The following SEH1L variants were observed in gnomAD, a reference collection of about 807,000 sequenced individuals.
The protein encoded by SEH1L is nucleoporin SEH1.
A neutral mutation model predicts 49.5 loss-of-function variants in SEH1L; 18 were observed. That is an observed-to-expected ratio of 0.36 (90% confidence interval 0.25 to 0.54). The LOEUF (loss-of-function observed/expected upper bound fraction) is 0.54. Among genes scored for constraint, SEH1L ranks in the 20% least tolerant of loss-of-function variants. SEH1L has a pLI of 0.87. For missense variants in SEH1L, 404 were observed against 528.8 expected, an observed-to-expected ratio of 0.76 and a Z score of 2.31; for synonymous variants, 169 against 178.1, an observed-to-expected ratio of 0.95 and a Z score of 0.41.
chr18:12,970,284 T>A (rs2031639472), intron 4 of SEH1L, among the ~76,000 whole-genome samples: 2 of 152,220 alleles, frequency 1.3e-5, no homozygotes, highest in African/African-American at 4.8e-5. Context: ...AGGAGAGCCA[T>A]TCTTTCATTG....
At chr18:12,949,777 A>C (rs2030401153) in intron 1 of SEH1L, among the ~76,000 whole-genome samples, 1 of 152,064 alleles carries the variant, frequency 6.6e-6, no homozygotes, top group African/African-American at 2.4e-5. Context: ...TAAAGTGTAG[A>C]ATTCAGTGGC....
At chr18:12,958,441 C>T (rs1441703528) in intron 3 of SEH1L, among the ~76,000 whole-genome samples, 1 of 152,168 alleles carries the variant, frequency 6.6e-6, no homozygotes, top group Non-Finnish European at 1.5e-5. Flanking sequence ...GTTCACAGTG[C>T]TGTGTACCCA....
chr18:12,978,662 A>G, intron 5 of SEH1L, 90 bp from the exon 6 acceptor site: 1 of 1,040,300 alleles, frequency 9.6e-7, no homozygotes, highest in Non-Finnish European at 1.4e-6. Flanking sequence ...CATGATTGTG[A>G]GCAGTGTGAA....
intron 1 of SEH1L, 42 bp downstream of exon 1, chr18:12,948,274 G>A: frequency 6.8e-7 from 1 of 1,472,830 alleles, no homozygotes; most frequent in Non-Finnish European, 9.5e-7. Context: ...CCGGAAGGAA[G>A]GAAGGGGAGT....
intron 8 of SEH1L, chr18:12,986,432 TA>T (rs890099602): frequency 2.0e-6 from 2 of 984,190 alleles, no homozygotes; most frequent in South Asian, 4.7e-5. Context: ...ATGTACGCAC[TA>T]AAAAAAATGT....
chr18:12,981,849 C>CTTTTTTTTTTTTTTTTTTTTTTTTT (rs1467685892), intron 6 of SEH1L, among the ~76,000 whole-genome samples: 3 of 102,504 alleles, frequency 2.9e-5, no homozygotes, highest in African/African-American at 9.2e-5. Context: ...CTGCCCTGCC[C>CTTTTTTTTTTTTTTTTTTTTTTTTT]ATTTTTTTTT....
chr18:12,979,136 T>G (rs1158367672), intron 6 of SEH1L, among the ~76,000 whole-genome samples: 1 of 150,616 alleles, frequency 6.6e-6, no homozygotes, highest in African/African-American at 2.4e-5. Flanking sequence ...GGCAGGGTCA[T>G]AGGACAATAG....
intron 3 of SEH1L, 125 bp from the exon 4 acceptor site, chr18:12,963,035 T>C (rs1198337100): frequency 1.6e-6 from 1 of 632,664 alleles, no homozygotes; most frequent in Non-Finnish European, 2.6e-6. Flanking sequence ...CAGAGATGTA[T>C]CCAAGCTTAT....
At chr18:12,983,890 A>G (rs1238900744) in intron 7 of SEH1L, 150 bp from the exon 8 acceptor site, 7 of 503,944 alleles carry the variant, frequency 1.4e-5, no homozygotes, top group Non-Finnish European at 2.0e-5. Context: ...TCTTTCATTT[A>G]AAAAGTGTCT....
intron 2 of SEH1L, among the ~76,000 whole-genome samples, chr18:12,952,806 G>T (rs2030625253): frequency 7.2e-6 from 1 of 139,094 alleles, no homozygotes; most frequent in South Asian, 2.2e-4. Flanking sequence ...TTTTGAGCTG[G>T]CGTCTTGCTC....
At chr18:12,986,099 G>A (rs1439465831) in intron 8 of SEH1L, 5 of 984,798 alleles carry the variant, frequency 5.1e-6, no homozygotes, top group African/African-American at 1.7e-5. Context: ...TACTAAAATT[G>A]TGCATGTAAA....
In SEH1L at chr18:12,979,703, C is replaced by A. The variant is rs1266298131; in HGVS notation, c.761+811C>A. Among the ~76,000 whole-genome samples, 4 of 148,688 alleles carry A rather than the reference C, an allele frequency of 2.7e-5. No homozygotes were observed. In the East Asian group the frequency reaches 6.2e-4, roughly 23 times the overall value. The stretch of plus-strand genomic sequence containing the variant: ...GTGGCTGGCTGGGCGGGGGGCTGAC[C>A]CCCCCACCTCCCTCCCGGACGGGGC... On this transcript the variant is annotated intron_variant, in intron 6 of 8. Coordinates refer to ENST00000399892, the MANE Select transcript of SEH1L (RefSeq NM_001013437.2).
chr18:12,950,379 G>T (rs2030444912), intron 1 of SEH1L, among the ~76,000 whole-genome samples: 1 of 151,906 alleles, frequency 6.6e-6, no homozygotes. Flanking sequence ...TTTAAAGGAG[G>T]AGCCATGTAT....
chr18:12,977,678 T>C (rs2031982577), intron 5 of SEH1L: 1 of 152,066 alleles, frequency 6.6e-6, no homozygotes, highest in East Asian at 1.9e-4. Context: ...GAGCCAAGAT[T>C]GCGCCATTGC....
intron 3 of SEH1L, among the ~76,000 whole-genome samples, chr18:12,959,470 C>T (rs536863824): frequency 6.6e-5 from 10 of 152,270 alleles, no homozygotes; most frequent in African/African-American, 2.2e-4. Context: ...TGTGAGCCAC[C>T]GTGGCCAGCC....
At chr18:12,985,816 T>G (rs2032436384) in intron 8 of SEH1L, 2 of 940,468 alleles carry the variant, frequency 2.1e-6, no homozygotes, top group African/African-American at 3.6e-5. Context: ...TAAAAAATAT[T>G]AGTAAAGGAG....
intron 6 of SEH1L, among the ~76,000 whole-genome samples, chr18:12,980,521 ACC>A (rs2032176058): frequency 2.8e-5 from 1 of 35,116 alleles, no homozygotes; most frequent in Non-Finnish European, 5.0e-5. Flanking sequence ...CGGGGGGCTG[ACC>A]CCCCCACCTC....
intron 4 of SEH1L, among the ~76,000 whole-genome samples, chr18:12,966,009 A>C (rs937182290): frequency 2.0e-5 from 3 of 151,154 alleles, no homozygotes; most frequent in Non-Finnish European, 3.0e-5. Context: ...TCCAGGAAAA[A>C]CCCCAACCTG....
chr18:12,969,779 C>T (rs1326945937), intron 4 of SEH1L, among the ~76,000 whole-genome samples: 1 of 151,334 alleles, frequency 6.6e-6, no homozygotes, highest in Non-Finnish European at 1.5e-5. Flanking sequence ...GTAATCCCAG[C>T]TACTCAGGAG....
Sources: gnomAD v4.1 joint callset for allele counts (sites outside exome capture counted in the v4.1 genomes callset) on GRCh38, gnomAD v4.1.1 for gene constraint, MANE v1.5 for transcripts, NCBI Gene and HGNC (gene_info 2026-07-23, HGNC 2026-07-21) for gene names.